The following TTC7A variants were observed in gnomAD, a reference collection of about 807,000 sequenced individuals.
TTC7A encodes tetratricopeptide repeat domain 7A.
Under a neutral mutation model 103.7 loss-of-function variants are expected in TTC7A, and 110 were observed. That is an observed-to-expected ratio of 1.06 (90% CI 0.91 to 1.24). The LOEUF (loss-of-function observed/expected upper bound fraction) is 1.24, where lower values mean the gene tolerates loss of function less well. Ranked by LOEUF, TTC7A falls within the 50% of genes most tolerant of loss-of-function variation. The pLI is 0.00. For missense variants in TTC7A, 1,340 were observed against 1,116.3 expected (o/e 1.20, Z -2.86); for synonymous variants, 521 against 467.9 (o/e 1.11, Z -1.47).
At position 47,015,596 on chromosome 2, in the gene TTC7A, A is replaced by G. The variant is rs535526922; in HGVS notation, c.1392+4161A>G. On this transcript the variant is annotated intron_variant, in intron 11 of 19. Coordinates refer to ENST00000319190, the MANE Select transcript of TTC7A (RefSeq NM_020458.4). ...TTTCCTCATCTGTAGCCTGGAAACA[A>G]TCATGTCCGCCATTATGGGGTAGCT... 2.0e-5 allele frequency among the ~76,000 whole-genome samples: 3 copies of G among 152,328 alleles called. No individual in the cohort carries two copies. In the South Asian group the frequency reaches 6.2e-4, roughly 32 times the overall value.
At chr2:46,981,263 A>G (rs563202728) in intron 5 of TTC7A, among the ~76,000 whole-genome samples, 6 of 151,908 alleles carry the variant, frequency 3.9e-5, no homozygotes, top group Admixed American at 3.3e-4. Context: ...ACAAAATAGT[A>G]TCCTAGAGGA....
intron 19 of TTC7A, among the ~76,000 whole-genome samples, chr2:47,064,026 C>A (rs919603730): frequency 2.0e-4 from 31 of 152,238 alleles, no homozygotes; most frequent in African/African-American, 7.2e-4. Context: ...TCTCCCTGTC[C>A]CCCTGTCGGT....
intron 5 of TTC7A, among the ~76,000 whole-genome samples, chr2:46,991,491 T>A (rs1323391297): frequency 1.3e-5 from 2 of 152,124 alleles, no homozygotes; most frequent in Non-Finnish European, 2.9e-5. Context: ...AATTATCATT[T>A]CTTAGAGTGT....
intron 5 of TTC7A, among the ~76,000 whole-genome samples, chr2:46,988,201 C>T (rs1005696368): frequency 6.6e-6 from 1 of 152,180 alleles, no homozygotes; most frequent in Non-Finnish European, 1.5e-5. Flanking sequence ...CACCCCCATC[C>T]CCGGCCTCAC....
At chr2:47,025,801 G>T (rs745982898) in intron 14 of TTC7A, among the ~76,000 whole-genome samples, 1 of 151,442 alleles carries the variant, frequency 6.6e-6, no homozygotes, top group Non-Finnish European at 1.5e-5. Context: ...TCTAGGCTGC[G>T]CCCCCACCCT....
intron 2 of TTC7A, among the ~76,000 whole-genome samples, chr2:46,919,577 A>T (rs144440588): frequency 6.6e-6 from 1 of 152,352 alleles, no homozygotes; most frequent in South Asian, 2.1e-4. Flanking sequence ...TGTGATTACT[A>T]TACATGAAAT....
chr2:47,073,178 C>T (rs1684919346), intron 19 of TTC7A, among the ~76,000 whole-genome samples: 1 of 152,212 alleles, frequency 6.6e-6, no homozygotes, highest in South Asian at 2.1e-4. Context: ...AATGCGTCCT[C>T]CTCCGTCTCT....
chr2:47,029,520 G>A, intron 15 of TTC7A, 136 bp downstream of exon 15: 1 of 1,008,540 alleles, frequency 9.9e-7, no homozygotes, highest in Non-Finnish European at 1.5e-6. Flanking sequence ...ATCCCTGGTG[G>A]AGAGACAGGG....
At chr2:46,951,004 T>G (rs1349893114) in intron 2 of TTC7A, among the ~76,000 whole-genome samples, 1 of 152,256 alleles carries the variant, frequency 6.6e-6, no homozygotes, top group African/African-American at 2.4e-5. Context: ...CCTGGCCCTT[T>G]GGGCTCCTTG....
intron 5 of TTC7A, among the ~76,000 whole-genome samples, chr2:46,991,990 A>G (rs958417277): frequency 6.6e-6 from 1 of 152,212 alleles, no homozygotes; most frequent in East Asian, 1.9e-4. Context: ...GTGTCCTTTC[A>G]TGGCTCCCAG....
At chr2:46,989,799 C>T (rs1030933335) in intron 5 of TTC7A, among the ~76,000 whole-genome samples, 4 of 144,128 alleles carry the variant, frequency 2.8e-5, no homozygotes, top group Admixed American at 1.4e-4. Flanking sequence ...TCTTTAATTG[C>T]GTGTGTGTGT....
chr2:47,067,237 G>A (rs1684252518), intron 19 of TTC7A, among the ~76,000 whole-genome samples: 2 of 152,268 alleles, frequency 1.3e-5, no homozygotes, highest in African/African-American at 4.8e-5. Context: ...AAATTGGGAT[G>A]ATAATCTAGA....
At chr2:47,055,745 T>A (rs752733686) in intron 18 of TTC7A, among the ~76,000 whole-genome samples, 36 of 152,122 alleles carry the variant, frequency 2.4e-4, no homozygotes, top group Admixed American at 1.3e-4. Context: ...AGTGCCAGAC[T>A]CCTGTGGTCT....
chr2:46,997,458 G>A (rs146140669), intron 8 of TTC7A, among the ~76,000 whole-genome samples: 3 of 152,278 alleles, frequency 2.0e-5, no homozygotes, highest in Non-Finnish European at 4.4e-5. Context: ...AATTGTTTAT[G>A]ACCTGCAAAA....
At chr2:47,061,884 A>G (rs1683810726) in intron 19 of TTC7A, among the ~76,000 whole-genome samples, 4 of 152,200 alleles carry the variant, frequency 2.6e-5, no homozygotes, top group African/African-American at 9.7e-5. Context: ...TTTGAAGGAT[A>G]ATCTAGGAGC....
intron 19 of TTC7A, among the ~76,000 whole-genome samples, chr2:47,069,772 T>G (rs1490965045): frequency 6.6e-6 from 1 of 152,042 alleles, no homozygotes; most frequent in Non-Finnish European, 1.5e-5. Context: ...TGGAAGGGTG[T>G]GTCTATGTTC....
intron 8 of TTC7A, among the ~76,000 whole-genome samples, chr2:47,005,241 G>C (rs1348502455): frequency 1.3e-5 from 2 of 152,086 alleles, no homozygotes; most frequent in Non-Finnish European, 2.9e-5. Context: ...GGAGGGGGGG[G>C]CTCTGGGAAT....
At chr2:46,916,170 C>T in exon 1 of TTC7A, 1 of 985,364 alleles carries the variant, frequency 1.0e-6, no homozygotes, top group Non-Finnish European at 1.2e-6. Context: ...CTATACAGGG[C>T]TCTTGGTTCA....
intron 15 of TTC7A, among the ~76,000 whole-genome samples, chr2:47,038,945 C>T (rs545954951): frequency 8.2e-4 from 125 of 152,204 alleles, no homozygotes; most frequent in African/African-American, 2.4e-3. Context: ...ACCTAGTTCT[C>T]CCCCAGATGA....
Sources: gnomAD v4.1 joint callset for allele counts (sites outside exome capture counted in the v4.1 genomes callset) on GRCh38, gnomAD v4.1.1 for gene constraint, MANE v1.5 for transcripts, NCBI Gene and HGNC (gene_info 2026-07-23, HGNC 2026-07-21) for gene names.